Variants in FARS2 observed in about 807,000 individuals in gnomAD.
FARS2 encodes the protein phenylalanine--tRNA ligase, mitochondrial.
FARS2 carries 40 observed loss-of-function variants against 46.4 expected under a neutral mutation model. The observed-to-expected ratio is 0.86, with a 90% CI of 0.67 to 1.12. The LOEUF is 1.12. FARS2 is among the 50% of genes most tolerant of loss of function. The pLI, the probability that FARS2 is intolerant of heterozygous loss-of-function variation, is 0.00. For synonymous variants in FARS2, 234 were observed against 214.9 expected, an observed-to-expected ratio of 1.09 and a Z score of -0.78; for missense variants, 513 against 567.9, an observed-to-expected ratio of 0.90 and a Z score of 0.98.
At chr6:5,326,877 A>T (rs554876867) in intron 1 of FARS2, among the ~76,000 whole-genome samples, 1 of 152,332 alleles carries the variant, frequency 6.6e-6, no homozygotes, top group Admixed American at 6.5e-5. Context: ...ATTAATTTAC[A>T]TATAATCCTC....
At chr6:5,394,452 G>T (rs574790234) in intron 2 of FARS2, among the ~76,000 whole-genome samples, 6 of 152,110 alleles carry the variant, frequency 3.9e-5, no homozygotes, top group Non-Finnish European at 7.4e-5. Flanking sequence ...AGGTTTGCGT[G>T]ACTACACTCC....
intron 6 of FARS2, among the ~76,000 whole-genome samples, chr6:5,736,679 T>TA (rs1026445581): frequency 8.7e-5 from 13 of 150,286 alleles, no homozygotes; most frequent in African/African-American, 3.0e-4. Context: ...TTTTTTTTTT[T>TA]AAAAAATTGC....
intron 1 of FARS2, among the ~76,000 whole-genome samples, chr6:5,361,483 G>A (rs1758297469): frequency 6.6e-6 from 1 of 152,200 alleles, no homozygotes; most frequent in Non-Finnish European, 1.5e-5. Flanking sequence ...TGATAGTGCT[G>A]AATTGCTTTC....
At chr6:5,446,089 G>A (rs1159262091) in intron 4 of FARS2, among the ~76,000 whole-genome samples, 1 of 152,010 alleles carries the variant, frequency 6.6e-6, no homozygotes, top group Non-Finnish European at 1.5e-5. Flanking sequence ...TGTAGTCCCA[G>A]CTACTCAGGA....
chr6:5,508,859 G>A (rs189533777), intron 4 of FARS2, among the ~76,000 whole-genome samples: 5 of 152,308 alleles, frequency 3.3e-5, no homozygotes, highest in Middle Eastern at 3.4e-3. Context: ...AAATGAGGGG[G>A]CACTGAGAAA....
At chr6:5,468,434 T>A (rs1765632656) in intron 4 of FARS2, among the ~76,000 whole-genome samples, 2 of 152,182 alleles carry the variant, frequency 1.3e-5, no homozygotes. Flanking sequence ...TGTTGTATCT[T>A]ATTACAATAA....
chr6:5,546,915 AC>A (rs1306633216), intron 5 of FARS2, among the ~76,000 whole-genome samples: 1 of 150,570 alleles, frequency 6.6e-6, no homozygotes, highest in Non-Finnish European at 1.5e-5. Flanking sequence ...AAATTCTTTC[AC>A]ATATTCATAA....
At chr6:5,598,224 A>C (rs532992367) in intron 5 of FARS2, among the ~76,000 whole-genome samples, 3 of 149,746 alleles carry the variant, frequency 2.0e-5, no homozygotes, top group African/African-American at 7.3e-5. Flanking sequence ...CCGTCTCTGC[A>C]AAAAAAAAAT....
In FARS2 at chr6:5,405,211, A is replaced by G. The variant is rs74442005; in HGVS notation, c.772+510A>G. Among the ~76,000 whole-genome samples the G allele has an allele frequency of 3.6e-3, 552 of 152,286 alleles. 5 individuals carry two copies. The highest frequency in any genetic ancestry group is 0.019 in the East Asian group (96 of 5,180). On this transcript the variant is annotated intron_variant, in intron 3 of 6. Transcript: ENST00000274680. Reference sequence around the variant, plus strand: ...GCACATAGTCTGAAGGTAATTTGATATAATATTTTAAATAATTTCGTGCGT... The same window carrying G: ...GCACATAGTCTGAAGGTAATTTGATGTAATATTTTAAATAATTTCGTGCGT...
chr6:5,431,124 C>G lies in FARS2; in HGVS notation c.856C>G (p.Leu286Val). Reference sequence around the variant, plus strand: ...GGAGATCAACTTTCATGGAGAATGGCTGGAAGTTCTTGGCTGCGGGGTGAT... The same window carrying G: ...GGAGATCAACTTTCATGGAGAATGGGTGGAAGTTCTTGGCTGCGGGGTGAT... ...EMEINFHGEW[L>V]EVLGCGVMEQ... is the part of the protein sequence containing the mutation. The change falls in exon 4 of 7, where the codon CTG becomes GTG. Residue 286 changes from leucine to valine, a missense_variant. Transcript: ENST00000274680. 1 of 1,613,918 alleles carries G rather than the reference C, an allele frequency of 6.2e-7. No homozygotes were observed. The highest frequency in any genetic ancestry group is 8.5e-7 in the Non-Finnish European group (1 of 1,179,836).
chr6:5,751,258 G>A (rs543381020), intron 6 of FARS2, among the ~76,000 whole-genome samples: 1 of 152,322 alleles, frequency 6.6e-6, no homozygotes, highest in African/African-American at 2.4e-5. Flanking sequence ...GTCAGGCTAA[G>A]TCTGGGCTTT....
At chr6:5,610,581 A>G (rs1375984459) in intron 5 of FARS2, among the ~76,000 whole-genome samples, 2 of 152,224 alleles carry the variant, frequency 1.3e-5, no homozygotes, top group East Asian at 1.9e-4. Context: ...ACCATTTTAT[A>G]TAAGGGACCT....
intron 1 of FARS2, among the ~76,000 whole-genome samples, chr6:5,316,855 A>T (rs989890608): frequency 6.6e-6 from 1 of 152,222 alleles, no homozygotes; most frequent in African/African-American, 2.4e-5. Flanking sequence ...AAAGCCCAGC[A>T]GACTTAGCTT....
intron 5 of FARS2, among the ~76,000 whole-genome samples, chr6:5,557,937 T>G (rs1187015792): frequency 6.6e-6 from 1 of 152,110 alleles, no homozygotes; most frequent in Non-Finnish European, 1.5e-5. Context: ...TGCATTCAAC[T>G]GACTTAACTA....
intron 2 of FARS2, among the ~76,000 whole-genome samples, chr6:5,396,045 A>G (rs1760880450): frequency 6.6e-6 from 1 of 152,190 alleles, no homozygotes; most frequent in South Asian, 2.1e-4. Flanking sequence ...ACTATTCTTT[A>G]AAGAAAATTG....
At chr6:5,452,443 A>G (rs1764551646) in intron 4 of FARS2, 1 of 152,294 alleles carries the variant, frequency 6.6e-6, no homozygotes, top group African/African-American at 2.4e-5. Context: ...TCCATGCTCC[A>G]AGGAACTGTT....
intron 5 of FARS2, among the ~76,000 whole-genome samples, chr6:5,548,814 C>T (rs1771193230): frequency 6.6e-6 from 1 of 152,040 alleles, no homozygotes; most frequent in Non-Finnish European, 1.5e-5. Context: ...TATATGCATA[C>T]CTGCACTAAT....
At position 5,547,619 on chromosome 6, in the gene FARS2, A is replaced by G. The variant is rs544392560; in HGVS notation, c.1065+2279A>G. Among the ~76,000 whole-genome samples, 11 of 152,216 alleles carry G rather than the reference A, an allele frequency of 7.2e-5. No homozygotes were observed. The East Asian group carries it at 1.9e-3, about 27-fold the overall frequency. On this transcript the variant is annotated intron_variant, in intron 5 of 6. Coordinates refer to ENST00000274680, the MANE Select transcript of FARS2 (RefSeq NM_006567.5). ...CAGGATCTCTTTCTGCTTTCCATCC[A>G]CTTACCAGCTTCTTCCACCACCAGC...
At chr6:5,585,950 G>T (rs1368527145) in intron 5 of FARS2, among the ~76,000 whole-genome samples, 4 of 152,060 alleles carry the variant, frequency 2.6e-5, no homozygotes, top group Admixed American at 1.3e-4. Context: ...AGATCATATG[G>T]TAGTTCTGTT....
Sources: gnomAD v4.1 joint callset for allele counts (sites outside exome capture counted in the v4.1 genomes callset) on GRCh38, gnomAD v4.1.1 for gene constraint, MANE v1.5 for transcripts, NCBI Gene and HGNC (gene_info 2026-07-23, HGNC 2026-07-21) for gene names.